Variants in TEX14 observed in about 807,000 individuals in gnomAD.
The protein encoded by TEX14 is inactive serine/threonine-protein kinase TEX14.
TEX14 carries 168 observed loss-of-function variants against 178.6 expected under a neutral mutation model. That is an observed-to-expected ratio of 0.94 (90% CI 0.83 to 1.07). TEX14 has a LOEUF of 1.07. Ranked by LOEUF, TEX14 falls within the 50% of genes least tolerant of loss-of-function variation. The probability of loss-of-function intolerance (pLI) is 0.00; values close to 1 mark genes in which losing one functional copy is unlikely to be tolerated. For missense variants in TEX14, 1,730 were observed against 1,753.6 expected (o/e 0.99, Z 0.24); for synonymous variants, 626 against 634.1 (o/e 0.99, Z 0.19).
chr17:58,615,192 G>A, intron 8 of TEX14, 40 bp downstream of exon 8: 1 of 1,209,894 alleles, frequency 8.3e-7, no homozygotes, highest in Non-Finnish European at 1.2e-6. Context: ...AGTCTGTAGA[G>A]AGACCTGGAC....
chr17:58,678,251 C>A (rs950171995), intron 1 of TEX14, among the ~76,000 whole-genome samples: 1 of 152,180 alleles, frequency 6.6e-6, no homozygotes, highest in Non-Finnish European at 1.5e-5. Flanking sequence ...GGGAAGGACA[C>A]TGGAAGACAG....
At chr17:58,614,509 T>C (rs995086364) in intron 8 of TEX14, among the ~76,000 whole-genome samples, 2 of 152,018 alleles carry the variant, frequency 1.3e-5, no homozygotes, top group South Asian at 2.1e-4. Context: ...GCAAAAAAAA[T>C]AGGAAGAAAT....
intron 1 of TEX14, among the ~76,000 whole-genome samples, chr17:58,656,949 A>AG (rs1491263974): frequency 6.9e-6 from 1 of 143,902 alleles, no homozygotes; most frequent in Non-Finnish European, 1.5e-5. Context: ...AAAAAAAAAA[A>AG]GAAAAAGAAA....
chr17:58,680,681 A>G (rs1163244876), intron 1 of TEX14, among the ~76,000 whole-genome samples: 1 of 152,096 alleles, frequency 6.6e-6, no homozygotes, highest in East Asian at 1.9e-4. Flanking sequence ...GGTTGCAATG[A>G]GCTGAGATCA....
At chr17:58,687,916 AG>A (rs2143608509) in intron 1 of TEX14, among the ~76,000 whole-genome samples, 1 of 152,146 alleles carries the variant, frequency 6.6e-6, no homozygotes, top group East Asian at 1.9e-4. Context: ...AAGCTCCATG[AG>A]GGCAGAGAAT....
At chr17:58,660,924 AAG>A in intron 1 of TEX14, 1 of 908,464 alleles carries the variant, frequency 1.1e-6, no homozygotes, top group Non-Finnish European at 1.9e-6. Context: ...GCCTCTCTTG[AAG>A]AGTCTTTCTC....
chr17:58,652,051 A>C, intron 1 of TEX14, 49 bp from the exon 2 acceptor site: 4 of 1,429,664 alleles, frequency 2.8e-6, no homozygotes, highest in Non-Finnish European at 3.7e-6. Context: ...CCAGAAATGC[A>C]AGGAAACAAC....
At chr17:58,588,519 G>C (rs1257087697) in intron 15 of TEX14, among the ~76,000 whole-genome samples, 1 of 151,582 alleles carries the variant, frequency 6.6e-6, no homozygotes, top group Non-Finnish European at 1.5e-5. Context: ...TCCTTATCTC[G>C]AGTGATCCAC....
chr17:58,642,416 C>T (rs1311539948), intron 2 of TEX14, among the ~76,000 whole-genome samples: 1 of 152,148 alleles, frequency 6.6e-6, no homozygotes, highest in Non-Finnish European at 1.5e-5. Flanking sequence ...CAGCCAAATG[C>T]TCCGTACTTA....
chr17:58,679,513 A>G (rs1049021787), intron 1 of TEX14: 1 of 152,236 alleles, frequency 6.6e-6, no homozygotes, highest in African/African-American at 2.4e-5. Context: ...CGCCTTTTAT[A>G]AACAAGCCAG....
chr17:58,598,862 T>C lies in TEX14; in HGVS notation c.2469+14A>G. On this transcript the variant is annotated intron_variant, in intron 14 of 31. Coordinates refer to ENST00000349033, the MANE Select transcript of TEX14 (RefSeq NM_031272.5). ...GGATCTTTTGCCAAAATGTCCCCCTTGAAAGTCTCTTACCATTCTTGGAAA... is the reference window on the plus strand; with the variant it reads ...GGATCTTTTGCCAAAATGTCCCCCTCGAAAGTCTCTTACCATTCTTGGAAA... 6.4e-7 allele frequency: 1 copy of C among 1,573,108 alleles called. No homozygotes were observed. The highest frequency in any genetic ancestry group is 8.6e-7 in the Non-Finnish European group (1 of 1,162,034).
chr17:58,630,432 G>C lies in TEX14; in HGVS notation c.251+8C>G, dbSNP rs1436062386. 2.1e-5 allele frequency: 33 copies of C among 1,571,468 alleles called. No homozygotes were observed. The highest frequency in any genetic ancestry group is 2.9e-5 in the Non-Finnish European group (33 of 1,141,250). On this transcript the variant is annotated splice_region_variant and intron_variant, in intron 3 of 31. Transcript: ENST00000349033. ...CTATTTTCTAGACATCAATATTATT[G>C]TACTTACTGATTTGGATCTGATCCA...
chr17:58,631,189 C>T (rs1223772513), intron 2 of TEX14: 1 of 978,826 alleles, frequency 1.0e-6, no homozygotes, highest in Non-Finnish European at 1.2e-6. Flanking sequence ...CCTGGAGGCG[C>T]AGTGGCTCAC....
chr17:58,603,216 T>C (rs1447279430), intron 11 of TEX14, among the ~76,000 whole-genome samples: 1 of 151,466 alleles, frequency 6.6e-6, no homozygotes, highest in African/African-American at 2.4e-5. Context: ...AATATTCATC[T>C]CATGTATATT....
At chr17:58,626,428 G>A (rs958918933) in intron 3 of TEX14, among the ~76,000 whole-genome samples, 3 of 151,932 alleles carry the variant, frequency 2.0e-5, no homozygotes, top group African/African-American at 7.3e-5. Flanking sequence ...AAATTAGCCG[G>A]GCATAGTGGC....
chr17:58,644,619 T>A (rs1285820116), intron 2 of TEX14, among the ~76,000 whole-genome samples: 11 of 121,236 alleles, frequency 9.1e-5, no homozygotes, highest in South Asian at 2.8e-4. Flanking sequence ...GGATTATAGG[T>A]GTAAGCCACC....
intron 16 of TEX14, 62 bp from the exon 17 acceptor site, chr17:58,587,728 C>T (rs2045012614): frequency 7.6e-7 from 1 of 1,312,986 alleles, no homozygotes; most frequent in Admixed American, 1.9e-5. Flanking sequence ...CATCAGTTTG[C>T]TCAAGTTCTT....
At chr17:58,603,629 C>T (rs977412174) in intron 11 of TEX14, among the ~76,000 whole-genome samples, 2 of 147,926 alleles carry the variant, frequency 1.4e-5, no homozygotes, top group Non-Finnish European at 3.0e-5. Flanking sequence ...CTGAGGTGGG[C>T]GGATCACGAG....
chr17:58,647,111 G>A (rs1598415211), intron 2 of TEX14, among the ~76,000 whole-genome samples: 1 of 151,920 alleles, frequency 6.6e-6, no homozygotes, highest in Middle Eastern at 3.4e-3. Context: ...TGTTGGCCAG[G>A]ATGGTCTGGA....
Sources: allele counts gnomAD v4.1 joint callset (sites outside exome capture counted in the v4.1 genomes callset), GRCh38; gene constraint gnomAD v4.1.1; transcripts MANE v1.5; gene names NCBI Gene and HGNC (gene_info 2026-07-23, HGNC 2026-07-21).